FUT8: variants seen among roughly 807,000 people sequenced by gnomAD.
FUT8 encodes fucosyltransferase 8, also known as alpha-(1,6)-fucosyltransferase.
FUT8 carries 29 observed loss-of-function variants against 71.3 expected under a neutral mutation model. That is an observed-to-expected ratio of 0.41 (90% confidence interval 0.30 to 0.55). The LOEUF (loss-of-function observed/expected upper bound fraction) is 0.55. Among genes scored for constraint, FUT8 ranks in the 20% least tolerant of loss-of-function variants. FUT8 has a pLI of 0.34. For missense variants in FUT8, 544 were observed against 702.1 expected, an observed-to-expected ratio of 0.77 and a Z score of 2.55; for synonymous variants, 254 against 239.3, an observed-to-expected ratio of 1.06 and a Z score of -0.57.
intron 2 of FUT8, among the ~76,000 whole-genome samples, chr14:65,551,740 GA>G (rs1366405653): frequency 1.3e-5 from 2 of 152,038 alleles, no homozygotes; most frequent in African/African-American, 4.8e-5. Context: ...TTTTAAAAAA[GA>G]AAAAGACAAC....
chr14:65,584,441 A>G (rs1212996915), intron 3 of FUT8, among the ~76,000 whole-genome samples: 1 of 152,154 alleles, frequency 6.6e-6, no homozygotes, highest in African/African-American at 2.4e-5. Flanking sequence ...CGGCCTCCCA[A>G]AGGGCTGGGA....
At position 65,669,006 on chromosome 14, in the gene FUT8, TA is replaced by T. The variant is rs1892348385; in HGVS notation, c.598-236del. ...GTACATATAGACACAAATAAGAGAATAGTAGACACTGGGGCCTACTTGAGGG... is the reference window on the plus strand; with the variant it reads ...GTACATATAGACACAAATAAGAGAATGTAGACACTGGGGCCTACTTGAGGG... On this transcript the variant is annotated intron_variant, in intron 6 of 10. Coordinates refer to ENST00000673929, the MANE Select transcript of FUT8 (RefSeq NM_001371533.1). The surrounding 1 kb of genome is among the most constrained non-coding windows in gnomAD (Gnocchi z 4.5). Among the ~76,000 whole-genome samples the T allele has an allele frequency of 6.6e-6, 1 of 151,916 alleles. No homozygotes were observed. Among genetic ancestry groups the T allele is most frequent in the African/African-American group, 2.4e-5 (1 of 41,330 alleles).
chr14:65,499,259 T>A (rs1418687225), intron 2 of FUT8, among the ~76,000 whole-genome samples: 1 of 152,124 alleles, frequency 6.6e-6, no homozygotes, highest in East Asian at 1.9e-4. Flanking sequence ...ACTAATTTTT[T>A]CTTTACCCTT....
At chr14:65,694,600 T>G (rs1893886878) in intron 7 of FUT8, among the ~76,000 whole-genome samples, 1 of 152,166 alleles carries the variant, frequency 6.6e-6, no homozygotes, top group Non-Finnish European at 1.5e-5. Context: ...ACTTGTATGT[T>G]TATTGTGGCA....
At chr14:65,362,533 A>G in the FUT8 span, among the ~76,000 whole-genome samples, 1 of 152,084 alleles carries the variant, frequency 6.6e-6, no homozygotes, top group Non-Finnish European at 1.5e-5. Context: ...AAACAAACAA[A>G]CAAAAAGCCC....
rs559584951 is a variant in FUT8, at chr14:65,662,217, A to G, written c.598-7026A>G. On this transcript the variant is annotated intron_variant, in intron 6 of 10. Coordinates refer to ENST00000673929, the MANE Select transcript of FUT8 (RefSeq NM_001371533.1). ...TGGCTTAAGCTCACAGGTTCGGATC[A>G]GCCTGGGCAACATGGGAAAACCCAT... Among the ~76,000 whole-genome samples the G allele has an allele frequency of 7.8e-4, 119 of 152,262 alleles. No individual in the cohort carries two copies. The Middle Eastern group carries it at 0.017, about 22-fold the overall frequency.
At chr14:65,464,259 G>GTTTTTTTTTTTTTTTTTTTTTTTTTT (rs3084724) in intron 2 of FUT8, among the ~76,000 whole-genome samples, 1 of 116,560 alleles carries the variant, frequency 8.6e-6, no homozygotes. Flanking sequence ...AGTACTTTGG[G>GTTTTTTTTTTTTTTTTTTTTTTTTTT]TTTTTTTTTT....
chr14:65,400,674 C>T, the FUT8 span, among the ~76,000 whole-genome samples: 1 of 152,074 alleles, frequency 6.6e-6, no homozygotes, highest in Non-Finnish European at 1.5e-5. Context: ...TTGCTTGAGC[C>T]TAGGAGTTCA....
At chr14:65,412,436 C>G (rs1555358547), upstream of FUT8, 25 of 429,166 alleles carry the variant, frequency 5.8e-5, no homozygotes, top group South Asian at 4.0e-4. Flanking sequence ...TCCCGGGATC[C>G]AGGATCCGCT....
chr14:65,514,053 T>C (rs1423850300), intron 2 of FUT8, among the ~76,000 whole-genome samples: 1 of 152,240 alleles, frequency 6.6e-6, no homozygotes, highest in Non-Finnish European at 1.5e-5. Flanking sequence ...ATATTTTGTA[T>C]GCAGTCTCTA....
intron 2 of FUT8, among the ~76,000 whole-genome samples, chr14:65,515,050 C>A (rs969367223): frequency 2.0e-5 from 3 of 147,652 alleles, no homozygotes; most frequent in Non-Finnish European, 3.0e-5. Flanking sequence ...TTTTGTCTTT[C>A]CAAACCTCAT....
At chr14:65,650,509 C>T (rs1482498185) in intron 6 of FUT8, among the ~76,000 whole-genome samples, 1 of 151,374 alleles carries the variant, frequency 6.6e-6, no homozygotes, top group Non-Finnish European at 1.5e-5. Flanking sequence ...GTGCCACACA[C>T]CTTTAAACAG....
At chr14:65,462,618 C>T (rs17779007) in intron 2 of FUT8, among the ~76,000 whole-genome samples, 7,899 of 152,164 alleles carry the variant, frequency 0.052, 302 homozygotes, top group Non-Finnish European at 0.081. Context: ...ATTTTCTTTG[C>T]GTTTTAAATA....
At chr14:65,605,081 A>G (rs1888507520) in intron 3 of FUT8, among the ~76,000 whole-genome samples, 1 of 151,952 alleles carries the variant, frequency 6.6e-6, no homozygotes, top group East Asian at 1.9e-4. Flanking sequence ...TTTTAACTGT[A>G]GATTAAATTA....
chr14:65,452,039 C>T (rs1408031770), intron 1 of FUT8, among the ~76,000 whole-genome samples: 4 of 152,262 alleles, frequency 2.6e-5, no homozygotes, highest in Non-Finnish European at 4.4e-5. Flanking sequence ...CTCTGTCCCC[C>T]GTTCCTGTCA....
chr14:65,512,369 T>C (rs866910127), intron 2 of FUT8, among the ~76,000 whole-genome samples: 3 of 152,112 alleles, frequency 2.0e-5, no homozygotes, highest in South Asian at 2.1e-4. Context: ...TTTCACCATA[T>C]TGTCCAGGCA....
intron 7 of FUT8, among the ~76,000 whole-genome samples, chr14:65,717,151 C>T (rs1308937591): frequency 3.8e-5 from 5 of 131,914 alleles, no homozygotes; most frequent in Non-Finnish European, 3.2e-5. Context: ...CCAGATGGGG[C>T]GGCCGGGCAG....
chr14:65,566,381 C>A lies in FUT8; in HGVS notation c.203+4615C>A, dbSNP rs372351574. 5.3e-5 allele frequency among the ~76,000 whole-genome samples: 8 copies of A among 152,056 alleles called. No individual in the cohort carries two copies. The South Asian group carries it at 1.7e-3, about 32-fold the overall frequency. On this transcript the variant is annotated intron_variant, in intron 3 of 10. Transcript: ENST00000673929. ...TACTGCATCTTGGTTGATGGAACTA[C>A]AAAGAATGTGTAACCGCATTTAACC...
chr14:65,552,750 C>CT (rs1433301723), intron 2 of FUT8, among the ~76,000 whole-genome samples: 1 of 152,126 alleles, frequency 6.6e-6, no homozygotes, highest in Admixed American at 6.5e-5. Flanking sequence ...ATGAATTATA[C>CT]TTTCATTTTT....
Sources: allele counts gnomAD v4.1 joint callset (sites outside exome capture counted in the v4.1 genomes callset), GRCh38; gene constraint gnomAD v4.1.1; non-coding constraint Gnocchi (gnomAD v3.1); transcripts MANE v1.5; gene names NCBI Gene and HGNC (gene_info 2026-07-23, HGNC 2026-07-21).